TBCD: variants seen among roughly 807,000 people sequenced by gnomAD.
The protein encoded by TBCD is tubulin-specific chaperone D.
In TBCD, 105 loss-of-function variants were observed where a neutral mutation model predicts 169.3. The ratio of observed to expected loss-of-function variants is 0.62; its 90% CI spans 0.53 to 0.73. TBCD has a LOEUF of 0.73. Among genes scored for constraint, TBCD ranks in the 30% least tolerant of loss-of-function variants. TBCD has a pLI of 0.00. For missense variants in TBCD, 1,444 were observed against 1,600.1 expected (o/e 0.90, Z 1.66); for synonymous variants, 700 against 643.9 (o/e 1.09, Z -1.32).
intron 6 of TBCD, among the ~76,000 whole-genome samples, 152 bp downstream of exon 6, chr17:82,772,659 A>T (rs1270074625): frequency 6.6e-6 from 1 of 152,136 alleles, no homozygotes; most frequent in African/African-American, 2.4e-5. Context: ...AGTGTGCAGC[A>T]GTGTTTGGGC....
At position 82,874,507 on chromosome 17, in the gene TBCD, C is replaced by T. The variant is rs1464968613; in HGVS notation, c.1475+4127C>T. Among the ~76,000 whole-genome samples, 2 of 152,172 alleles carry T rather than the reference C, an allele frequency of 1.3e-5. No individual in the cohort carries two copies. Among genetic ancestry groups the T allele is most frequent in the African/African-American group, 4.8e-5 (2 of 41,436 alleles). ...CGCAGCTCACAGGCTTCTGACGCCT[C>T]AGCCTGGAGCTGGCGTTGTGCCCCT... On this transcript the variant is annotated intron_variant, in intron 14 of 38. Transcript: ENST00000355528. This position sits in a 1 kb window ranked among gnomAD's most constrained non-coding sequence, Gnocchi z 5.0.
chr17:82,846,389 C>T (rs28441496), intron 13 of TBCD, among the ~76,000 whole-genome samples: 11 of 151,806 alleles, frequency 7.2e-5, no homozygotes, highest in South Asian at 2.1e-4. Flanking sequence ...CGTGTCCTCT[C>T]GTCCAGCCCT....
chr17:82,763,902 G>T, intron 2 of TBCD, 63 bp from the exon 3 acceptor site: 1 of 1,410,404 alleles, frequency 7.1e-7, no homozygotes. Context: ...ACCACACCTG[G>T]CCGGCCTCAA....
rs150860691 is a variant in TBCD at position 82,920,275 on chromosome 17, G to A, written c.2039-281G>A. ...CTGCAGCTCCCTGACAGGCCGGCCCGGCTTCTCTGAAGTGCACGTGGGCTC... is the reference window on the plus strand; with the variant it reads ...CTGCAGCTCCCTGACAGGCCGGCCCAGCTTCTCTGAAGTGCACGTGGGCTC... On this transcript the variant is annotated intron_variant, in intron 23 of 38. Transcript: ENST00000355528. This position sits in a 1 kb window ranked among gnomAD's most constrained non-coding sequence, Gnocchi z 4.1. Among the ~76,000 whole-genome samples the A allele has an allele frequency of 1.3e-5, 2 of 152,230 alleles. No individual in the cohort carries two copies. Among genetic ancestry groups the A allele is most frequent in the African/African-American group, 2.4e-5 (1 of 41,454 alleles).
At chr17:82,844,662 C>G (rs1032608172) in intron 13 of TBCD, among the ~76,000 whole-genome samples, 1 of 152,124 alleles carries the variant, frequency 6.6e-6, no homozygotes, top group Non-Finnish European at 1.5e-5. Context: ...CCTCTTCTAC[C>G]CTGTAGCTTA....
At chr17:82,794,044 C>T (rs1205525723) in intron 7 of TBCD, among the ~76,000 whole-genome samples, 1 of 152,246 alleles carries the variant, frequency 6.6e-6, no homozygotes, top group Non-Finnish European at 1.5e-5. Context: ...CACAGCTTCT[C>T]AGAAGCCTGT....
intron 7 of TBCD, 133 bp downstream of exon 7, chr17:82,781,854 G>GA: frequency 7.2e-7 from 1 of 1,392,458 alleles, no homozygotes; most frequent in South Asian, 1.4e-5. Flanking sequence ...CCGGGCCAGG[G>GA]TCTTGGGCAG....
At chr17:82,941,690 C>G in intron 38 of TBCD, 1 of 565,240 alleles carries the variant, frequency 1.8e-6, no homozygotes, top group Non-Finnish European at 3.1e-6. Context: ...GCATCCAGGC[C>G]ACTTGCTCTG....
chr17:82,853,404 T>G (rs1045727846), intron 13 of TBCD, among the ~76,000 whole-genome samples: 1 of 142,960 alleles, frequency 7.0e-6, no homozygotes, highest in African/African-American at 2.6e-5. Context: ...CCCCCCTCCT[T>G]TTTTTTTTCT....
rs537523256 is a variant in TBCD, at chr17:82,859,090, AAG to A, written c.1319-11129_1319-11128del. Among the ~76,000 whole-genome samples, 6 of 151,124 alleles carry A rather than the reference AAG, an allele frequency of 4.0e-5. No individual in the cohort carries two copies. The South Asian group carries it at 1.3e-3, about 32-fold the overall frequency. ...TCCTCCCCGCACTGGCTTTTAGGGA[AAG>A]AGAGTCTCGTGGGTCATCCGGCCTG... is the stretch of plus-strand genomic sequence containing the variant. On this transcript the variant is annotated intron_variant, in intron 13 of 38. Transcript: ENST00000355528.
At chr17:82,829,853 A>G (rs941611253) in intron 13 of TBCD, 4 of 448,968 alleles carry the variant, frequency 8.9e-6, no homozygotes, top group African/African-American at 5.8e-5. Flanking sequence ...ATAAGGAAAC[A>G]TTTATAAAAG....
At chr17:82,790,699 G>T (rs1423147691) in intron 7 of TBCD, among the ~76,000 whole-genome samples, 2 of 152,214 alleles carry the variant, frequency 1.3e-5, no homozygotes, top group Middle Eastern at 3.2e-3. Context: ...GCACAGCCTT[G>T]TCCTTGTCTC....
intron 13 of TBCD, among the ~76,000 whole-genome samples, chr17:82,828,828 C>A (rs140175535): frequency 6.0e-5 from 9 of 151,200 alleles, no homozygotes; most frequent in African/African-American, 9.7e-5. Context: ...CGAATGTGCA[C>A]GCCTAATCAG....
intron 8 of TBCD, 129 bp downstream of exon 8, chr17:82,797,931 C>A: frequency 1.1e-4 from 16 of 150,516 alleles, no homozygotes; most frequent in East Asian, 1.6e-4. Context: ...CACTATCGTT[C>A]TTTTTTTTGT....
At chr17:82,763,138 C>T (rs145416534) in intron 2 of TBCD, among the ~76,000 whole-genome samples, 6 of 152,278 alleles carry the variant, frequency 3.9e-5, no homozygotes, top group African/African-American at 7.2e-5. Flanking sequence ...GTTCCTGAAA[C>T]AGGAGTGTCG....
chr17:82,851,708 G>A (rs1355378312), intron 13 of TBCD, among the ~76,000 whole-genome samples: 2 of 152,220 alleles, frequency 1.3e-5, no homozygotes, highest in South Asian at 2.1e-4. Context: ...GCAGCTCTTC[G>A]AGAGGGCTGA....
chr17:82,752,554 C>T (rs1161343054), intron 1 of TBCD, among the ~76,000 whole-genome samples, 177 bp downstream of exon 1: 2 of 152,000 alleles, frequency 1.3e-5, no homozygotes, highest in Non-Finnish European at 2.9e-5. Flanking sequence ...GAGGGCCACC[C>T]CGGCGCGGCG....
At chr17:82,901,068 C>T (rs1488494929) in intron 18 of TBCD, among the ~76,000 whole-genome samples, 1 of 152,236 alleles carries the variant, frequency 6.6e-6, no homozygotes, top group African/African-American at 2.4e-5. Context: ...CAGTGCTTCC[C>T]GCTGACTCTG....
At chr17:82,763,936 CA>C in intron 2 of TBCD, 28 bp from the exon 3 acceptor site, 1 of 1,588,000 alleles carries the variant, frequency 6.3e-7, no homozygotes, top group Non-Finnish European at 8.6e-7. Flanking sequence ...TTCACTTTTA[CA>C]GTAAATGTTT....
Sources: allele counts gnomAD v4.1 joint callset (sites outside exome capture counted in the v4.1 genomes callset), GRCh38; gene constraint gnomAD v4.1.1; non-coding constraint Gnocchi (gnomAD v3.1); transcripts MANE v1.5; gene names NCBI Gene and HGNC (gene_info 2026-07-23, HGNC 2026-07-21).